The following CHLSN variants were observed in gnomAD, a reference collection of about 807,000 sequenced individuals.
CHLSN encodes protein cholesin.
chr7:1,035,944 GCT>G, the CHLSN span, among the ~76,000 whole-genome samples: 2,784 of 152,316 alleles, frequency 0.018, 89 homozygotes, highest in African/African-American at 0.063. Context: ...CACAAGAAAG[GCT>G]CTGTCATGCC....
chr7:1,000,644 A>AT, the CHLSN span: 3 of 1,005,362 alleles, frequency 3.0e-6, no homozygotes, highest in Non-Finnish European at 4.5e-6. Flanking sequence ...TCATCTTAGG[A>AT]GAGGGAGCCC....
At chr7:1,047,502 A>G in the CHLSN span, among the ~76,000 whole-genome samples, 2 of 152,404 alleles carry the variant, frequency 1.3e-5, no homozygotes, top group South Asian at 4.1e-4. Flanking sequence ...CTGTGAAAAC[A>G]GCAGCCTTTC....
chr7:1,000,447 T>G, the CHLSN span: 2 of 1,534,734 alleles, frequency 1.3e-6, no homozygotes, highest in Non-Finnish European at 1.8e-6. Context: ...CCAGGAGACG[T>G]GCCTGCCCCG....
the CHLSN span, among the ~76,000 whole-genome samples, chr7:1,062,086 GC>G: frequency 6.6e-6 from 1 of 152,228 alleles, no homozygotes; most frequent in Admixed American, 6.5e-5. Flanking sequence ...CAATGATATT[GC>G]TACCAACACT....
At chr7:997,831 CA>C in the CHLSN span, 2 of 1,593,292 alleles carry the variant, frequency 1.3e-6, no homozygotes, top group East Asian at 4.6e-5. Flanking sequence ...TCGAGTTGGT[CA>C]GGGGCGGGGC....
the CHLSN span, chr7:1,127,386 C>G: frequency 6.2e-7 from 1 of 1,600,694 alleles, no homozygotes. Context: ...GTTTTGCCAT[C>G]CTGCAACAGA....
At chr7:985,390 C>G in the CHLSN span, 3 of 1,510,578 alleles carry the variant, frequency 2.0e-6, no homozygotes, top group Non-Finnish European at 2.7e-6. Flanking sequence ...AGCAGGAGGA[C>G]GGGGGCCCCA....
the CHLSN span, chr7:1,092,536 G>A: frequency 2.4e-4 from 384 of 1,608,772 alleles, 1 homozygote; most frequent in Non-Finnish European, 3.1e-4. Context: ...GGTCTTCTTC[G>A]TCTGCTGGCT....
At chr7:989,898 G>A in the CHLSN span, among the ~76,000 whole-genome samples, 1 of 145,944 alleles carries the variant, frequency 6.9e-6, no homozygotes, top group South Asian at 2.2e-4. Flanking sequence ...TGAGTGGCGC[G>A]TGTGCTGGTG....
the CHLSN span, among the ~76,000 whole-genome samples, chr7:985,846 T>C: frequency 1.3e-5 from 2 of 152,246 alleles, no homozygotes; most frequent in African/African-American, 4.8e-5. Context: ...GCATCACGGC[T>C]GGACCCAGAG....
the CHLSN span, among the ~76,000 whole-genome samples, chr7:1,135,358 T>C: frequency 2.0e-5 from 3 of 152,130 alleles, no homozygotes; most frequent in South Asian, 6.2e-4. Flanking sequence ...CATATAGTTA[T>C]ATATATATAC....
the CHLSN span, among the ~76,000 whole-genome samples, chr7:1,054,838 G>A: frequency 1.0e-3 from 157 of 152,348 alleles, no homozygotes; most frequent in Non-Finnish European, 1.7e-3. Flanking sequence ...CTCTGCTTCC[G>A]ACCTGAACCT....
chr7:1,030,615 A>T, the CHLSN span, among the ~76,000 whole-genome samples: 1 of 152,182 alleles, frequency 6.6e-6, no homozygotes, highest in East Asian at 1.9e-4. Flanking sequence ...CTGCCCAGTG[A>T]CCCACCTGTA....
chr7:1,014,699 C>G, the CHLSN span, among the ~76,000 whole-genome samples: 1 of 152,272 alleles, frequency 6.6e-6, no homozygotes, highest in Non-Finnish European at 1.5e-5. Context: ...GGACTGGACA[C>G]CAATCTCCAC....
chr7:987,966 T>TGTGTGTCCTGGGGGTCCC, the CHLSN span, among the ~76,000 whole-genome samples: 3 of 114,280 alleles, frequency 2.6e-5, no homozygotes, highest in African/African-American at 1.2e-4. Context: ...GGGGGTCCCC[T>TGTGTGTCCTGGGGGTCCC]CTGTGTGTCC....
chr7:979,076 G>A, the CHLSN span, among the ~76,000 whole-genome samples: 2 of 152,254 alleles, frequency 1.3e-5, no homozygotes, highest in Non-Finnish European at 2.9e-5. Flanking sequence ...GGAACCAAGA[G>A]GAAGCTGCAT....
chr7:1,068,221 CAT>C, the CHLSN span, among the ~76,000 whole-genome samples: 1 of 152,144 alleles, frequency 6.6e-6, no homozygotes, highest in Non-Finnish European at 1.5e-5. Context: ...CAGTGTGTCA[CAT>C]GTCCCCAGTT....
the CHLSN span, among the ~76,000 whole-genome samples, chr7:1,017,373 C>T: frequency 6.6e-5 from 10 of 152,300 alleles, no homozygotes; most frequent in South Asian, 1.2e-3. Context: ...CCTGGCCTGC[C>T]GTGCCCTGCT....
chr7:1,019,554 C>G, the CHLSN span, among the ~76,000 whole-genome samples: 1 of 152,228 alleles, frequency 6.6e-6, no homozygotes, highest in African/African-American at 2.4e-5. Flanking sequence ...CAGTGAAGCC[C>G]TGAGTCCAAG....
Sources: gnomAD v4.1 joint callset for allele counts (sites outside exome capture counted in the v4.1 genomes callset) on GRCh38, gnomAD v4.1.1 for gene constraint, MANE v1.5 for transcripts, NCBI Gene and HGNC (gene_info 2026-07-23, HGNC 2026-07-21) for gene names.